SYNGR1: variants seen among roughly 807,000 people sequenced by gnomAD.
SYNGR1 encodes the protein synaptogyrin 1, also known as synaptogyrin-1.
A neutral mutation model predicts 26.1 loss-of-function variants in SYNGR1; 14 were observed. That is an observed-to-expected ratio of 0.54 (90% CI 0.35 to 0.84). The LOEUF is 0.84. Ranked by LOEUF, SYNGR1 falls within the 40% of genes least tolerant of loss-of-function variation. The pLI is 0.01. For synonymous variants in SYNGR1, 141 were observed against 150.1 expected, an observed-to-expected ratio of 0.94 and a Z score of 0.44; for missense variants, 319 against 332.9, an observed-to-expected ratio of 0.96 and a Z score of 0.33.
At chr22:39,374,618 G>A (rs2145629311) in intron 2 of SYNGR1, 65 bp downstream of exon 2, 1 of 1,541,844 alleles carries the variant, frequency 6.5e-7, no homozygotes, top group Non-Finnish European at 8.9e-7. Flanking sequence ...GCCATAGGAG[G>A]CGGCTGCCAC....
chr22:39,377,703 T>C (rs775046978), intron 3 of SYNGR1: 4 of 1,612,540 alleles, frequency 2.5e-6, no homozygotes, highest in Non-Finnish European at 3.4e-6. Context: ...CTCCCCGGCT[T>C]GCAGAGGCCG....
In SYNGR1 at chr22:39,350,193, C is replaced by CG. The variant is rs1461394939; in HGVS notation, c.99+84_99+85insG. The CG allele has an allele frequency of 1.0e-6, 1 of 987,122 alleles. No homozygotes were observed. Among genetic ancestry groups the CG allele is most frequent in the East Asian group, 4.7e-5 (1 of 21,056 alleles). The allele number at this position is 987,122 out of a possible 1,614,324, so 61.1% of individuals were successfully genotyped here. A position where few individuals can be genotyped will look rare whatever the true frequency, so the allele number is the denominator to read the frequency against. On this transcript the variant is annotated intron_variant, in intron 1 of 3. Transcript: ENST00000328933. This position sits in a 1 kb window ranked among gnomAD's most constrained non-coding sequence, Gnocchi z 4.3. ...GCGGCGCGCCCGGACCGACCCCGAC[C>CG]CCGACCCCAACGGGCCCCCGGCGGC...
At position 39,375,936 on chromosome 22, in the gene SYNGR1, C is replaced by T. The variant is rs771956193; in HGVS notation, c.338-116C>T. 25 of 1,369,450 alleles carry T rather than the reference C, an allele frequency of 1.8e-5. No homozygotes were observed. In the Middle Eastern group the frequency reaches 1.9e-3, roughly 106 times the overall value. The allele number at this position is 1,369,450 out of a possible 1,614,324, so 84.8% of individuals were successfully genotyped here. A position where few individuals can be genotyped will look rare whatever the true frequency, so the allele number is the denominator to read the frequency against. On this transcript the variant is annotated intron_variant, in intron 2 of 3. Coordinates refer to ENST00000328933, the MANE Select transcript of SYNGR1 (RefSeq NM_004711.5). Reference sequence around the variant, plus strand: ...GCCTGTCCCTTTGGGGGTGGGGGAGCATGGGAGATGCACTCTTGAATGTCC... The same window carrying T: ...GCCTGTCCCTTTGGGGGTGGGGGAGTATGGGAGATGCACTCTTGAATGTCC...
intron 1 of SYNGR1, among the ~76,000 whole-genome samples, chr22:39,362,994 G>C (rs1924560064): frequency 6.6e-6 from 1 of 152,204 alleles, no homozygotes; most frequent in South Asian, 2.1e-4. Context: ...TGAGGCACTG[G>C]AGAATACCTT....
Position 39,376,165 on chromosome 22 carries a change from A to T in SYNGR1, c.451A>T (p.Ile151Phe). 6.2e-7 allele frequency: 1 copy of T among 1,614,130 alleles called. No individual in the cohort carries two copies. Among genetic ancestry groups the T allele is most frequent in the Non-Finnish European group, 8.5e-7 (1 of 1,180,016 alleles). ...AGGGACGGACGCAGCCCGGGCCGCC[A>T]TCGCCTTCTCCTTTTTCTCCATCTT... is the stretch of plus-strand genomic sequence containing the variant. ...NEGTDAARAA[I>F]AFSFFSIFTW... The change falls in exon 3 of 4, where the codon ATC becomes TTC. Residue 151 changes from isoleucine to phenylalanine, a missense_variant. Transcript: ENST00000328933.
intron 3 of SYNGR1, chr22:39,377,727 A>C: frequency 6.2e-7 from 1 of 1,606,284 alleles, no homozygotes; most frequent in Non-Finnish European, 8.5e-7. Context: ...GCCCTGTATC[A>C]CCCCTGGCAG....
At chr22:39,372,123 C>CTTTTTTTT (rs71197177) in intron 1 of SYNGR1, among the ~76,000 whole-genome samples, 4 of 70,232 alleles carry the variant, frequency 5.7e-5, no homozygotes, top group Non-Finnish European at 1.0e-4. Context: ...TAGATCCATT[C>CTTTTTTTT]TTTTTTTTTT....
intron 1 of SYNGR1, among the ~76,000 whole-genome samples, chr22:39,368,934 C>T (rs1471521529): frequency 6.6e-6 from 1 of 152,186 alleles, no homozygotes; most frequent in South Asian, 2.1e-4. Context: ...AAGCTCTGCT[C>T]TGGGTACTTG....
At chr22:39,368,229 T>G (rs1924861618) in intron 1 of SYNGR1, among the ~76,000 whole-genome samples, 1 of 152,226 alleles carries the variant, frequency 6.6e-6, no homozygotes, top group African/African-American at 2.4e-5. Flanking sequence ...TTCCTCACAA[T>G]GCATCCTTGG....
Position 39,373,896 on chromosome 22 carries a change from G to A in SYNGR1, c.100-420G>A, listed in dbSNP as rs903973135. On this transcript the variant is annotated intron_variant, in intron 1 of 3. Transcript: ENST00000328933. ...GGAAGGAGAACACAAGATGGGGCCC[G>A]GCACATGCCAGCATCTGGAGGAGTC... 1.6e-4 allele frequency among the ~76,000 whole-genome samples: 25 copies of A among 152,222 alleles called. 1 individual carries two copies. The highest frequency in any genetic ancestry group is 7.2e-4 in the Admixed American group (11 of 15,278).
In SYNGR1 at chr22:39,365,988, CTTTTTTTT is replaced by C. The variant is rs777416803; in HGVS notation, c.100-8308_100-8301del. On this transcript the variant is annotated intron_variant, in intron 1 of 3. Transcript: ENST00000328933. ...CGTGAGCCACCGCGCTCAGCCCCTTCTTTTTTTTTTTTTTTTTTTTTTTTTTTGAGACA... is the reference window on the plus strand; with the variant it reads ...CGTGAGCCACCGCGCTCAGCCCCTTCTTTTTTTTTTTTTTTTTTTGAGACA... Among the ~76,000 whole-genome samples the C allele has an allele frequency of 1.1e-3, 73 of 68,380 alleles. No individual in the cohort carries two copies. The East Asian group carries it at 0.013, about 12-fold the overall frequency. The allele number at this position is 68,380 out of a possible 152,430, so 44.9% of individuals were successfully genotyped here.
chr22:39,353,979 T>G (rs6001552), intron 1 of SYNGR1, among the ~76,000 whole-genome samples: 27,397 of 152,074 alleles, frequency 0.18, 5,130 homozygotes, highest in African/African-American at 0.48. Context: ...TTCTCCTGCC[T>G]CAGCCTCCCA....
chr22:39,375,941 G>A (rs760719780), intron 2 of SYNGR1, 111 bp from the exon 3 acceptor site: 38 of 1,414,408 alleles, frequency 2.7e-5, no homozygotes, highest in African/African-American at 4.2e-5. Context: ...GGGAGCATGG[G>A]AGATGCACTC....
At chr22:39,377,459 G>A in intron 3 of SYNGR1, 1 of 1,522,972 alleles carries the variant, frequency 6.6e-7, no homozygotes, top group South Asian at 1.2e-5. Flanking sequence ...GGGGCTCACA[G>A]AGGAGTAGTG....
rs201937056 is a variant in SYNGR1 at position 39,364,339 on chromosome 22, C to G, written c.100-9977C>G. 74 of 1,613,770 alleles carry G rather than the reference C, an allele frequency of 4.6e-5. No individual in the cohort carries two copies. In the Admixed American group the frequency reaches 9.5e-4, roughly 21 times the overall value. On this transcript the variant is annotated intron_variant, in intron 1 of 3. Coordinates refer to ENST00000328933, the MANE Select transcript of SYNGR1 (RefSeq NM_004711.5). ...TGTGGGTCAGCGAGAGGCAGGGCCTCTCTGAGCCTTAGCCTCCCTGACTGT... is the reference window on the plus strand; with the variant it reads ...TGTGGGTCAGCGAGAGGCAGGGCCTGTCTGAGCCTTAGCCTCCCTGACTGT...
In SYNGR1 at chr22:39,350,222, G is replaced by C; in HGVS notation, c.99+113G>C. ...ACCCCAACGGGCCCCCGGCGGCGGC[G>C]CGGCGGCGGGCGAGGAGCTGTCCTG... On this transcript the variant is annotated intron_variant, in intron 1 of 3. Transcript: ENST00000328933. This position sits in a 1 kb window ranked among gnomAD's most constrained non-coding sequence, Gnocchi z 4.3. The C allele has an allele frequency of 1.5e-6, 1 of 666,244 alleles. No individual in the cohort carries two copies. The highest frequency in any genetic ancestry group is 2.0e-6 in the Non-Finnish European group (1 of 505,732). 41.3% of individuals were successfully genotyped at this position (666,244 alleles called of 1,614,324 possible). A position where few individuals can be genotyped will look rare whatever the true frequency, so the allele number is the denominator to read the frequency against.
chr22:39,360,764 C>T (rs1301688352), intron 1 of SYNGR1, among the ~76,000 whole-genome samples: 1 of 152,152 alleles, frequency 6.6e-6, no homozygotes, highest in Admixed American at 6.6e-5. Context: ...AGGCAGGTGA[C>T]ACCAGCGTTG....
rs369406285 is a variant in SYNGR1 at position 39,368,095 on chromosome 22, C to T, written c.100-6221C>T. Among the ~76,000 whole-genome samples, 18 of 152,346 alleles carry T rather than the reference C, an allele frequency of 1.2e-4. No individual in the cohort carries two copies. In the East Asian group the frequency reaches 3.5e-3, roughly 29 times the overall value. On this transcript the variant is annotated intron_variant, in intron 1 of 3. Transcript: ENST00000328933. ...TTTTCCCTGGCCATCACTGCTCCCT[C>T]CTGGCGTTTGCCAGGGACCGCCATT...
rs117638129 is a variant in SYNGR1, at chr22:39,362,335, G to A, written c.100-11981G>A. ...CGGAGTCCACTCCACCCCCACCACC[G>A]AGCACTCGGGGCGACAGCTTGCGGA... On this transcript the variant is annotated intron_variant, in intron 1 of 3. Transcript: ENST00000328933. Among the ~76,000 whole-genome samples, 179 of 152,174 alleles carry A rather than the reference G, an allele frequency of 1.2e-3. 3 individuals carry two copies. In the East Asian group the frequency reaches 0.029, roughly 24 times the overall value.
Sources: gnomAD v4.1 joint callset for allele counts (sites outside exome capture counted in the v4.1 genomes callset) on GRCh38, gnomAD v4.1.1 for gene constraint, Gnocchi (gnomAD v3.1) non-coding constraint, MANE v1.5 for transcripts, NCBI Gene and HGNC (gene_info 2026-07-23, HGNC 2026-07-21) for gene names.